The following HMBOX1 variants were observed in gnomAD, a reference collection of about 807,000 sequenced individuals.
HMBOX1 encodes homeobox containing 1, also known as homeobox-containing protein 1.
A neutral mutation model predicts 54.5 loss-of-function variants in HMBOX1; 14 were observed. That is an observed-to-expected ratio of 0.26 (90% CI 0.17 to 0.40). HMBOX1 has a LOEUF of 0.40. HMBOX1 is among the 10% of genes least tolerant of loss of function. The probability of loss-of-function intolerance (pLI) is 1.00; values close to 1 mark genes in which losing one functional copy is unlikely to be tolerated. For missense variants in HMBOX1, 332 were observed against 514.4 expected, an observed-to-expected ratio of 0.65 and a Z score of 3.43; for synonymous variants, 160 against 181.0, an observed-to-expected ratio of 0.88 and a Z score of 0.93.
chr8:28,938,280 G>A (rs1407702926), intron 1 of HMBOX1, among the ~76,000 whole-genome samples: 1 of 152,164 alleles, frequency 6.6e-6, no homozygotes. Context: ...AATAGAATTT[G>A]TTGTGAGTAT....
intron 3 of HMBOX1, among the ~76,000 whole-genome samples, chr8:28,974,330 G>A (rs1828022169): frequency 6.6e-6 from 1 of 152,114 alleles, no homozygotes; most frequent in Non-Finnish European, 1.5e-5. Flanking sequence ...ACGTTTTAAT[G>A]TTTAAAAATG....
intron 1 of HMBOX1, among the ~76,000 whole-genome samples, chr8:28,899,394 C>T (rs1812779881): frequency 1.3e-5 from 2 of 152,210 alleles, no homozygotes; most frequent in African/African-American, 4.8e-5. Flanking sequence ...GAACTCATTT[C>T]ATCACTACTC....
intron 1 of HMBOX1, among the ~76,000 whole-genome samples, chr8:28,928,901 G>GT (rs1202308850): frequency 6.6e-6 from 1 of 152,132 alleles, no homozygotes; most frequent in Non-Finnish European, 1.5e-5. Flanking sequence ...GAATAGAAGG[G>GT]TAATTACCAA....
chr8:28,952,151 C>A (rs1231528356), intron 1 of HMBOX1, among the ~76,000 whole-genome samples: 1 of 139,156 alleles, frequency 7.2e-6, no homozygotes, highest in African/African-American at 2.6e-5. Flanking sequence ...AGAGTAAGAC[C>A]CTATCTTAAA....
chr8:29,019,726 C>T (rs1800878462), intron 6 of HMBOX1, among the ~76,000 whole-genome samples: 1 of 152,170 alleles, frequency 6.6e-6, no homozygotes, highest in African/African-American at 2.4e-5. Context: ...GTCACAAACT[C>T]TCAGCTGTAA....
At chr8:29,024,411 AGT>A (rs1012356537) in intron 6 of HMBOX1, among the ~76,000 whole-genome samples, 2 of 152,168 alleles carry the variant, frequency 1.3e-5, no homozygotes, top group African/African-American at 4.8e-5. Context: ...TTATACCGTA[AGT>A]GTTGGCATTC....
intron 1 of HMBOX1, among the ~76,000 whole-genome samples, chr8:28,931,046 C>T (rs1819393211): frequency 6.6e-6 from 1 of 152,140 alleles, no homozygotes. Context: ...TGCCCTTTCT[C>T]CTCAACTCTC....
chr8:28,895,686 A>AAAAAAAAAAAAAG (rs1554517844), intron 1 of HMBOX1, among the ~76,000 whole-genome samples: 3 of 152,072 alleles, frequency 2.0e-5, no homozygotes, highest in African/African-American at 4.8e-5. Flanking sequence ...AAAAAAAAAA[A>AAAAAAAAAAAAAG]ATTTTGATAA....
chr8:28,976,709 C>CTTTTTTTTTT (rs749880362), intron 3 of HMBOX1, among the ~76,000 whole-genome samples: 4 of 135,814 alleles, frequency 2.9e-5, no homozygotes, highest in South Asian at 2.3e-4. Flanking sequence ...TCTTTTTTTT[C>CTTTTTTTTTT]TTTTTTTTTT....
intron 9 of HMBOX1, 86 bp downstream of exon 9, chr8:29,049,134 G>A (rs763472985): frequency 2.0e-6 from 3 of 1,478,518 alleles, no homozygotes; most frequent in African/African-American, 2.8e-5. Flanking sequence ...TGTGGCTGAT[G>A]GGGTGGGGGA....
At chr8:29,023,198 GAA>G (rs1801467985) in intron 6 of HMBOX1, among the ~76,000 whole-genome samples, 1 of 151,926 alleles carries the variant, frequency 6.6e-6, no homozygotes, top group Non-Finnish European at 1.5e-5. Context: ...CAGTGCAAAG[GAA>G]AAGAGAAATA....
chr8:29,032,283 AG>A (rs1311039879), intron 6 of HMBOX1, among the ~76,000 whole-genome samples: 1 of 143,378 alleles, frequency 7.0e-6, no homozygotes, highest in Non-Finnish European at 1.5e-5. Context: ...GGGTGGGAGG[AG>A]GGGGGTGGAT....
intron 4 of HMBOX1, among the ~76,000 whole-genome samples, chr8:28,993,473 T>A (rs1831301571): frequency 6.6e-6 from 1 of 152,176 alleles, no homozygotes; most frequent in African/African-American, 2.4e-5. Flanking sequence ...TGTCCACCAG[T>A]AAAGGCTAGC....
intron 4 of HMBOX1, among the ~76,000 whole-genome samples, chr8:28,994,157 ACTCT>A (rs1171276210): frequency 7.3e-6 from 1 of 137,916 alleles, no homozygotes; most frequent in Admixed American, 7.9e-5. Flanking sequence ...ACAGAGCCAG[ACTCT>A]CTCACCAAAA....
At chr8:29,002,339 C>T (rs1056573859) in intron 4 of HMBOX1, among the ~76,000 whole-genome samples, 2 of 151,982 alleles carry the variant, frequency 1.3e-5, no homozygotes, top group Non-Finnish European at 2.9e-5. Context: ...GAGAAGGAGA[C>T]GAAGGCAGAA....
chr8:28,900,812 T>G (rs984770678), intron 1 of HMBOX1, among the ~76,000 whole-genome samples: 4 of 152,222 alleles, frequency 2.6e-5, no homozygotes, highest in African/African-American at 9.6e-5. Context: ...TTTTTTAACC[T>G]TATATACTTT....
At chr8:29,047,495 G>T in intron 8 of HMBOX1, 42 bp downstream of exon 8, 3 of 965,776 alleles carry the variant, frequency 3.1e-6, no homozygotes, top group Non-Finnish European at 3.4e-6. Context: ...TGCAGCAGTT[G>T]TGAACGTCAT....
intron 1 of HMBOX1, among the ~76,000 whole-genome samples, chr8:28,908,209 A>G (rs1814711849): frequency 6.6e-6 from 1 of 152,164 alleles, no homozygotes; most frequent in African/African-American, 2.4e-5. Context: ...GGACATAGGA[A>G]CATATTTGGT....
intron 3 of HMBOX1, among the ~76,000 whole-genome samples, chr8:28,976,610 A>G (rs1009497987): frequency 5.9e-5 from 9 of 152,154 alleles, no homozygotes; most frequent in Non-Finnish European, 1.0e-4. Flanking sequence ...TGACTTGCCA[A>G]TGCACAACCT....
Sources: allele counts gnomAD v4.1 joint callset (sites outside exome capture counted in the v4.1 genomes callset), GRCh38; gene constraint gnomAD v4.1.1; transcripts MANE v1.5; gene names NCBI Gene and HGNC (gene_info 2026-07-23, HGNC 2026-07-21).